LRP5: variants seen among roughly 807,000 people sequenced by gnomAD.
LRP5 encodes the protein low-density lipoprotein receptor-related protein 5.
In LRP5, 62 loss-of-function variants were observed where a neutral mutation model predicts 154.1. That is an observed-to-expected ratio of 0.40 (90% CI 0.33 to 0.50). The LOEUF (loss-of-function observed/expected upper bound fraction) is 0.50. Among genes scored for constraint, LRP5 ranks in the 20% least tolerant of loss-of-function variants. LRP5 has a pLI of 0.55. For synonymous variants in LRP5, 966 were observed against 1,011.5 expected (o/e 0.96, Z 0.85); for missense variants, 1,915 against 2,336.7 (o/e 0.82, Z 3.72).
intron 12 of LRP5, among the ~76,000 whole-genome samples, chr11:68,414,849 C>T (rs2098661615): frequency 6.6e-6 from 1 of 152,198 alleles, no homozygotes; most frequent in South Asian, 2.1e-4. Flanking sequence ...CCCAGGCTGG[C>T]AGGAGATGGG....
intron 9 of LRP5, among the ~76,000 whole-genome samples, chr11:68,409,240 TATATA>T (rs1337480061): frequency 3.6e-5 from 5 of 140,410 alleles, no homozygotes; most frequent in Non-Finnish European, 7.6e-5. Flanking sequence ...AAATATATAT[TATATA>T]ATATATAATA....
rs1419301372 is a variant in LRP5 at position 68,312,776 on chromosome 11, C to T, written c.62C>T (p.Ala21Val). Reference protein sequence around the residue: ...PLLLLLLLLLALCGCPAPAAA... With the variant: ...PLLLLLLLLLVLCGCPAPAAA... ...CTGCTGCTGCTGCTGCTGCTGCTGG[C>T]GCTGTGCGGCTGCCCGGCCCCCGCC... is the stretch of plus-strand genomic sequence containing the variant. The change falls in exon 1 of 23, where the codon GCG becomes GTG. Residue 21 changes from alanine to valine, a missense_variant. By Grantham distance (64) the Ala-to-Val change is moderately conservative (BLOSUM62 0). This residue lies in a region of LRP5 where 48 missense variants were observed against 25.7 expected (regional missense o/e 1.87). Coordinates refer to ENST00000294304, the MANE Select transcript of LRP5 (RefSeq NM_002335.4). The T allele has an allele frequency of 4.6e-6, 5 of 1,079,054 alleles. No homozygotes were observed. Among genetic ancestry groups the T allele is most frequent in the Admixed American group, 8.4e-5 (2 of 23,734 alleles). 66.8% of individuals were successfully genotyped at this position (1,079,054 alleles called of 1,614,324 possible). A position where few individuals can be genotyped will look rare whatever the true frequency, so the allele number is the denominator to read the frequency against.
intron 7 of LRP5, among the ~76,000 whole-genome samples, chr11:68,395,309 A>G (rs1394525580): frequency 6.6e-6 from 1 of 151,538 alleles, no homozygotes; most frequent in Non-Finnish European, 1.5e-5. Context: ...TCAAAAAAAA[A>G]AAAAAAAAAG....
At position 68,411,624 on chromosome 11, in the gene LRP5, A is replaced by AG; in HGVS notation, c.2503+7dup. ...ATCGAGTCGTCCAACATGCTGGGTG[A>AG]GGGCCGGGCTGGGGCCTTCTGGTCA... is the stretch of plus-strand genomic sequence containing the variant. On this transcript the variant is annotated splice_donor_region_variant and intron_variant, in intron 11 of 22. Transcript: ENST00000294304. The AG allele has an allele frequency of 6.2e-7, 1 of 1,607,522 alleles. No homozygotes were observed. The highest frequency in any genetic ancestry group is 1.3e-5 in the African/African-American group (1 of 74,952).
intron 5 of LRP5, among the ~76,000 whole-genome samples, chr11:68,385,032 TAGGC>T (rs2098642239): frequency 6.6e-6 from 1 of 152,200 alleles, no homozygotes; most frequent in African/African-American, 2.4e-5. Flanking sequence ...ACTGGTGAGT[TAGGC>T]AGGGCACAGA....
the LRP5 span, among the ~76,000 whole-genome samples, chr11:68,300,187 T>C: frequency 6.7e-6 from 1 of 149,300 alleles, no homozygotes; most frequent in African/African-American, 2.4e-5. Context: ...CCACCGTGCC[T>C]GGCCAGGCCT....
chr11:68,365,448 C>T lies in LRP5; in HGVS notation c.884-123C>T, dbSNP rs72932379. ...GGAGGTCCCTGATGCCACTTGAGGC[C>T]GATGTTTGGGCAGAGGGACACACTG... On this transcript the variant is annotated intron_variant, in intron 4 of 22. Coordinates refer to ENST00000294304, the MANE Select transcript of LRP5 (RefSeq NM_002335.4). 22,743 of 1,445,596 alleles carry T rather than the reference C, an allele frequency of 0.016. 231 individuals carry two copies. The highest frequency in any genetic ancestry group is 0.019 in the Non-Finnish European group (19,721 of 1,041,910). The allele number at this position is 1,445,596 out of a possible 1,614,324, so 89.5% of individuals were successfully genotyped here.
At chr11:68,439,654 C>T (rs2098677014) in intron 20 of LRP5, 123 bp from the exon 21 acceptor site, 1 of 1,073,784 alleles carries the variant, frequency 9.3e-7, no homozygotes, top group Non-Finnish European at 1.4e-6. Context: ...ACATTTCCAA[C>T]AGGACACACC....
intron 6 of LRP5, among the ~76,000 whole-genome samples, chr11:68,387,983 G>A (rs540790989): frequency 6.6e-6 from 1 of 152,160 alleles, no homozygotes; most frequent in South Asian, 2.1e-4. Flanking sequence ...TGTGCTGGCC[G>A]GGGAGCTTTT....
intron 1 of LRP5, among the ~76,000 whole-genome samples, chr11:68,315,281 G>A (rs186068471): frequency 6.6e-6 from 1 of 152,370 alleles, no homozygotes; most frequent in Admixed American, 6.5e-5. Context: ...TTGTGTGTCA[G>A]CGTCCTCGAT....
intron 1 of LRP5, among the ~76,000 whole-genome samples, chr11:68,346,650 G>A (rs191985233): frequency 6.6e-5 from 10 of 152,286 alleles, no homozygotes; most frequent in East Asian, 3.9e-4. Context: ...CCCCATCTGC[G>A]CAGGAGGACC....
At chr11:68,322,601 G>A (rs1565315715) in intron 1 of LRP5, among the ~76,000 whole-genome samples, 4 of 152,258 alleles carry the variant, frequency 2.6e-5, no homozygotes, top group African/African-American at 4.8e-5. Flanking sequence ...ACCCAACCTG[G>A]GAGGGCCTTG....
intron 1 of LRP5, among the ~76,000 whole-genome samples, chr11:68,346,869 G>T (rs1170360512): frequency 6.6e-6 from 1 of 152,196 alleles, no homozygotes; most frequent in Admixed American, 6.5e-5. Context: ...CTGTGTTGGG[G>T]GTTGCTGGAC....
chr11:68,439,238 C>T (rs2098676772), intron 20 of LRP5, among the ~76,000 whole-genome samples: 1 of 152,302 alleles, frequency 6.6e-6, no homozygotes, highest in Middle Eastern at 3.4e-3. Context: ...CCTGTGAGGT[C>T]TGCAGGTGCC....
At chr11:68,365,782 A>G in intron 5 of LRP5, 80 bp downstream of exon 5, 1 of 1,389,986 alleles carries the variant, frequency 7.2e-7, no homozygotes, top group East Asian at 2.5e-5. Context: ...GGGGTGCCCC[A>G]GAAGGAACCT....
intron 21 of LRP5, among the ~76,000 whole-genome samples, chr11:68,440,846 G>A (rs947883848): frequency 1.1e-4 from 17 of 151,794 alleles, no homozygotes; most frequent in African/African-American, 3.1e-4. Context: ...TAGGCTCACC[G>A]CAACCTCTGC....
intron 13 of LRP5, among the ~76,000 whole-genome samples, chr11:68,422,342 A>T (rs1040934660): frequency 4.0e-5 from 6 of 148,812 alleles, no homozygotes; most frequent in Non-Finnish European, 7.4e-5. Context: ...GACTCAATGG[A>T]GAGGGAGGGG....
At chr11:68,440,154 T>G (rs911453222) in intron 21 of LRP5, among the ~76,000 whole-genome samples, 8 of 152,116 alleles carry the variant, frequency 5.3e-5, no homozygotes, top group Non-Finnish European at 1.0e-4. Context: ...CAAATCCACC[T>G]CCTAGAGTGG....
At chr11:68,364,031 G>A (rs1391655376) in intron 4 of LRP5, 88 bp downstream of exon 4, 6 of 481,026 alleles carry the variant, frequency 1.2e-5, no homozygotes, top group South Asian at 1.1e-4. Context: ...ATGCGGGGGC[G>A]TGGGGGTGCG....
Sources: allele counts gnomAD v4.1 joint callset (sites outside exome capture counted in the v4.1 genomes callset), GRCh38; gene constraint gnomAD v4.1.1; regional missense constraint gnomAD v4.1.1; transcripts MANE v1.5; gene names NCBI Gene and HGNC (gene_info 2026-07-23, HGNC 2026-07-21).